RANBP2: variants seen among roughly 807,000 people sequenced by gnomAD.
RANBP2 encodes the protein E3 SUMO-protein ligase RanBP2.
RANBP2 carries 57 observed loss-of-function variants against 303.6 expected under a neutral mutation model. The observed-to-expected ratio is 0.19, with a 90% CI of 0.15 to 0.23. The LOEUF (loss-of-function observed/expected upper bound fraction) is 0.23. RANBP2 is among the 10% of genes least tolerant of loss of function. The probability of loss-of-function intolerance (pLI) is 1.00; values close to 1 mark genes in which losing one functional copy is unlikely to be tolerated. For missense variants in RANBP2, 3,138 were observed against 3,780.8 expected, an observed-to-expected ratio of 0.83 and a Z score of 4.46; for synonymous variants, 1,167 against 1,301.5, an observed-to-expected ratio of 0.90 and a Z score of 2.23.
the RANBP2 span, among the ~76,000 whole-genome samples, chr2:109,356,259 T>G: frequency 6.0e-3 from 919 of 152,260 alleles, 6 homozygotes; most frequent in Middle Eastern, 0.034. Context: ...AGGAACATTC[T>G]AGATCCCACC....
At chr2:109,204,261 C>T in the RANBP2 span, among the ~76,000 whole-genome samples, 1 of 152,194 alleles carries the variant, frequency 6.6e-6, no homozygotes, top group African/African-American at 2.4e-5. Context: ...TGCTTATGCC[C>T]TGTTGCTTCA....
At chr2:108,843,876 G>GTGTGTTTGTT in the RANBP2 span, among the ~76,000 whole-genome samples, 2 of 13,872 alleles carry the variant, frequency 1.4e-4, no homozygotes, top group Admixed American at 1.6e-3. Flanking sequence ...GTGTGTGTGT[G>GTGTGTTTGTT]TGTTTCTTTC....
the RANBP2 span, among the ~76,000 whole-genome samples, chr2:109,192,019 A>G: frequency 1.3e-5 from 2 of 152,248 alleles, no homozygotes; most frequent in South Asian, 4.2e-4. Flanking sequence ...CCCTGCAGTC[A>G]TTTTGGCGAA....
At chr2:108,722,069 A>G (rs1262982940) in intron 1 of RANBP2, among the ~76,000 whole-genome samples, 2 of 151,934 alleles carry the variant, frequency 1.3e-5, no homozygotes, top group Non-Finnish European at 2.9e-5. Context: ...TTAAAAAAAA[A>G]AAAAAGCAAG....
the RANBP2 span, among the ~76,000 whole-genome samples, chr2:109,179,003 ATG>A: frequency 1.1e-3 from 161 of 142,148 alleles, no homozygotes; most frequent in Middle Eastern, 3.7e-3. Context: ...AAGTATAATA[ATG>A]TGTGTGTGTG....
the RANBP2 span, among the ~76,000 whole-genome samples, chr2:109,255,303 T>C: frequency 6.6e-6 from 1 of 152,174 alleles, no homozygotes; most frequent in African/African-American, 2.4e-5. Context: ...GCAGACCCCA[T>C]ACCACCCACC....
the RANBP2 span, among the ~76,000 whole-genome samples, chr2:108,953,856 G>T: frequency 6.6e-6 from 1 of 152,148 alleles, no homozygotes; most frequent in South Asian, 2.1e-4. Context: ...GTGCCCAAGG[G>T]TCAAGTGAAG....
chr2:109,611,747 A>C, the RANBP2 span, among the ~76,000 whole-genome samples: 1 of 152,212 alleles, frequency 6.6e-6, no homozygotes, highest in Non-Finnish European at 1.5e-5. Context: ...AGCCTGGGTG[A>C]CAATACGAGA....
At chr2:109,525,194 A>G in the RANBP2 span, among the ~76,000 whole-genome samples, 1 of 151,242 alleles carries the variant, frequency 6.6e-6, no homozygotes, top group South Asian at 2.1e-4. Context: ...TCACTCTGTC[A>G]CCCAGGCTGG....
chr2:109,215,644 T>C, the RANBP2 span, among the ~76,000 whole-genome samples: 1 of 152,158 alleles, frequency 6.6e-6, no homozygotes, highest in Non-Finnish European at 1.5e-5. Context: ...GGAAGGGTGC[T>C]GGGCTCTCAC....
At chr2:109,003,334 T>G in the RANBP2 span, among the ~76,000 whole-genome samples, 2 of 151,476 alleles carry the variant, frequency 1.3e-5, no homozygotes, top group Non-Finnish European at 2.9e-5. Flanking sequence ...ACTTGGCACA[T>G]AGTAGGCCCT....
chr2:109,242,015 G>A, the RANBP2 span, among the ~76,000 whole-genome samples: 1 of 151,968 alleles, frequency 6.6e-6, no homozygotes, highest in African/African-American at 2.4e-5. Context: ...TGGGAAAGAG[G>A]ATTCCCTTTC....
chr2:108,962,522 A>C, the RANBP2 span, among the ~76,000 whole-genome samples: 13 of 151,842 alleles, frequency 8.6e-5, no homozygotes, highest in Non-Finnish European at 1.6e-4. Flanking sequence ...AAATACAAAA[A>C]AAATTAGCCG....
the RANBP2 span, among the ~76,000 whole-genome samples, chr2:109,313,306 G>C: frequency 3.9e-5 from 6 of 152,218 alleles, no homozygotes; most frequent in East Asian, 1.9e-4. Flanking sequence ...CCATCCCAAG[G>C]GGGGAGGCTG....
At chr2:109,386,964 T>A in the RANBP2 span, among the ~76,000 whole-genome samples, 1 of 152,308 alleles carries the variant, frequency 6.6e-6, no homozygotes, top group East Asian at 1.9e-4. Context: ...TTGTTTCTAA[T>A]GACTTTTTCT....
the RANBP2 span, among the ~76,000 whole-genome samples, chr2:109,578,925 G>A: frequency 6.6e-6 from 1 of 152,160 alleles, no homozygotes; most frequent in East Asian, 1.9e-4. Flanking sequence ...AAGTACAGAC[G>A]TAAGAGCAGA....
the RANBP2 span, among the ~76,000 whole-genome samples, chr2:109,164,649 A>G: frequency 1.3e-5 from 2 of 152,260 alleles, no homozygotes; most frequent in East Asian, 1.9e-4. Context: ...GGGAGGGGGA[A>G]AAAAGAGCAC....
chr2:109,389,515 T>G, the RANBP2 span, among the ~76,000 whole-genome samples: 1 of 152,166 alleles, frequency 6.6e-6, no homozygotes, highest in Non-Finnish European at 1.5e-5. Flanking sequence ...TCTATTCCGT[T>G]TCTTAAAAAG....
At position 108,782,845 on chromosome 2, in the gene RANBP2, C is replaced by G. The variant is rs759364936; in HGVS notation, c.9352C>G (p.Pro3118Ala). The G allele has an allele frequency of 6.2e-7, 1 of 1,613,382 alleles. No individual in the cohort carries two copies. The highest frequency in any genetic ancestry group is 8.5e-7 in the Non-Finnish European group (1 of 1,179,844). Residue 3118 changes from proline (P) to alanine (A), a missense_variant, in exon 28 of 29, where the codon CCA becomes GCA. Coordinates refer to ENST00000283195, the MANE Select transcript of RANBP2 (RefSeq NM_006267.5). Reference sequence around the variant, plus strand: ...GAATTCCATTTTTCACAGAGTAATTCCAGATTTTGTTTGCCAAGTAGGTAT... The same window carrying G: ...GAATTCCATTTTTCACAGAGTAATTGCAGATTTTGTTTGCCAAGTAGGTAT... ...FKNSIFHRVI[P>A]DFVCQGGDIT... is the part of the protein sequence containing the mutation.
Sources: allele counts gnomAD v4.1 joint callset (sites outside exome capture counted in the v4.1 genomes callset), GRCh38; gene constraint gnomAD v4.1.1; transcripts MANE v1.5; gene names NCBI Gene and HGNC (gene_info 2026-07-23, HGNC 2026-07-21).